CLEC16A: variants seen among roughly 807,000 people sequenced by gnomAD.
CLEC16A encodes the protein C-type lectin domain containing 16A, also known as protein CLEC16A.
Under a neutral mutation model 109.5 loss-of-function variants are expected in CLEC16A, and 51 were observed. The observed-to-expected ratio is 0.47, with a 90% CI of 0.37 to 0.59. The LOEUF (loss-of-function observed/expected upper bound fraction) is 0.59, where lower values mean the gene tolerates loss of function less well. CLEC16A is among the 20% of genes least tolerant of loss of function. The pLI is 0.00. For missense variants in CLEC16A, 1,339 were observed against 1,394.0 expected, an observed-to-expected ratio of 0.96 and a Z score of 0.63; for synonymous variants, 673 against 564.2, an observed-to-expected ratio of 1.19 and a Z score of -2.73.
At chr16:11,164,701 C>T (rs1166031993) in intron 22 of CLEC16A, among the ~76,000 whole-genome samples, 5 of 152,222 alleles carry the variant, frequency 3.3e-5, no homozygotes, top group African/African-American at 9.6e-5. Context: ...TGCCGCTGAT[C>T]GAGAAAGCAG....
intron 10 of CLEC16A, among the ~76,000 whole-genome samples, chr16:10,998,499 G>A (rs76925392): frequency 4.6e-5 from 7 of 152,190 alleles, no homozygotes; most frequent in Non-Finnish European, 8.8e-5. Context: ...GGCATGTGTT[G>A]TGTACTTTCT....
At chr16:11,010,326 G>A (rs1433716681) in intron 11 of CLEC16A, among the ~76,000 whole-genome samples, 2 of 151,906 alleles carry the variant, frequency 1.3e-5, no homozygotes, top group African/African-American at 2.4e-5. Context: ...CACACAACAG[G>A]CCCTAGCACC....
intron 19 of CLEC16A, among the ~76,000 whole-genome samples, chr16:11,074,114 T>A (rs1416116879): frequency 6.6e-6 from 1 of 152,198 alleles, no homozygotes; most frequent in Non-Finnish European, 1.5e-5. Context: ...CCAAATTATT[T>A]AACCTCTCTA....
At chr16:11,023,612 C>CTTT (rs5815608) in intron 12 of CLEC16A, among the ~76,000 whole-genome samples, 3 of 147,944 alleles carry the variant, frequency 2.0e-5, no homozygotes, top group South Asian at 2.1e-4. Context: ...ATTTTTCCTA[C>CTTT]TTTTTTTTTT....
chr16:11,056,350 C>G (rs2048213926), intron 18 of CLEC16A, among the ~76,000 whole-genome samples: 1 of 152,168 alleles, frequency 6.6e-6, no homozygotes, highest in Admixed American at 6.5e-5. Context: ...AGCCCAGGGC[C>G]TGGCAGACAG....
chr16:10,979,840 C>T (rs1230913697), intron 9 of CLEC16A, among the ~76,000 whole-genome samples: 1 of 152,096 alleles, frequency 6.6e-6, no homozygotes, highest in African/African-American at 2.4e-5. Flanking sequence ...GGTTCTAGTT[C>T]CCAGATTACC....
intron 23 of CLEC16A, among the ~76,000 whole-genome samples, chr16:11,168,435 G>A (rs2068364430): frequency 6.6e-6 from 1 of 152,342 alleles, no homozygotes; most frequent in South Asian, 2.1e-4. Context: ...CAGCAGGCCT[G>A]CGGAGACAAG....
At chr16:11,127,161 G>T (rs9926590) in intron 22 of CLEC16A, among the ~76,000 whole-genome samples, 1 of 152,034 alleles carries the variant, frequency 6.6e-6, no homozygotes, top group Non-Finnish European at 1.5e-5. Context: ...ATATTTCTTT[G>T]TATGTCATGC....
chr16:11,114,361 C>T (rs1012364089), intron 19 of CLEC16A, among the ~76,000 whole-genome samples: 3 of 152,070 alleles, frequency 2.0e-5, no homozygotes, highest in Non-Finnish European at 2.9e-5. Context: ...ATTGGAGATT[C>T]GATGGGCAGT....
intron 11 of CLEC16A, among the ~76,000 whole-genome samples, chr16:11,014,126 T>C (rs931437882): frequency 2.0e-5 from 3 of 152,250 alleles, no homozygotes; most frequent in Non-Finnish European, 2.9e-5. Flanking sequence ...CCAACTTGAT[T>C]GTGTACTGAA....
intron 20 of CLEC16A, among the ~76,000 whole-genome samples, 197 bp from the exon 21 acceptor site, chr16:11,123,545 A>G (rs1465302662): frequency 6.6e-6 from 1 of 152,024 alleles, no homozygotes; most frequent in Non-Finnish European, 1.5e-5. Context: ...GCCTCCTCCC[A>G]CACTGTCCTC....
At chr16:11,046,680 G>A (rs1002775842) in intron 16 of CLEC16A, among the ~76,000 whole-genome samples, 10 of 152,140 alleles carry the variant, frequency 6.6e-5, no homozygotes, top group African/African-American at 1.9e-4. Context: ...TCATGCAGTG[G>A]AACAAGGAGG....
chr16:11,138,972 T>C (rs2053697213), intron 22 of CLEC16A, among the ~76,000 whole-genome samples: 1 of 147,564 alleles, frequency 6.8e-6, no homozygotes, highest in Non-Finnish European at 1.5e-5. Context: ...ACTAACAGGA[T>C]TTGGTGACCA....
At position 11,076,696 on chromosome 16, in the gene CLEC16A, C is replaced by T. The variant is rs75062114; in HGVS notation, c.2116+15674C>T. ...ATCTCTGAACCAGTGACAGACAGCGCGACCTTTAAGGAAGGTGTAAGTCAG... is the reference window on the plus strand; with the variant it reads ...ATCTCTGAACCAGTGACAGACAGCGTGACCTTTAAGGAAGGTGTAAGTCAG... On this transcript the variant is annotated intron_variant, in intron 19 of 23. Transcript: ENST00000409790. Among the ~76,000 whole-genome samples the T allele has an allele frequency of 1.2e-4, 19 of 152,182 alleles. 1 individual carries two copies. The highest frequency in any genetic ancestry group is 2.1e-4 in the Non-Finnish European group (14 of 68,038).
chr16:11,171,627 AT>A (rs1416708532), intron 23 of CLEC16A, among the ~76,000 whole-genome samples: 1 of 152,232 alleles, frequency 6.6e-6, no homozygotes, highest in Non-Finnish European at 1.5e-5. Context: ...TAAACATTTT[AT>A]GGTTTTGAGA....
At chr16:11,075,424 G>GTA (rs1325063688) in intron 19 of CLEC16A, among the ~76,000 whole-genome samples, 19 of 147,292 alleles carry the variant, frequency 1.3e-4, no homozygotes, top group Middle Eastern at 3.4e-3. Context: ...GTGTGTGTGT[G>GTA]TGTATGTGTG....
intron 11 of CLEC16A, among the ~76,000 whole-genome samples, chr16:11,003,623 G>A (rs1052628558): frequency 7.2e-5 from 11 of 152,182 alleles, no homozygotes; most frequent in Non-Finnish European, 1.5e-4. Context: ...TTAAATGAGC[G>A]AATATGTGCA....
intron 19 of CLEC16A, among the ~76,000 whole-genome samples, chr16:11,088,044 A>C (rs2050106446): frequency 6.6e-6 from 1 of 152,238 alleles, no homozygotes; most frequent in Non-Finnish European, 1.5e-5. Context: ...CTTTCCATAC[A>C]GAACACCCTG....
At chr16:11,027,379 T>C in intron 13 of CLEC16A, 1 of 1,389,528 alleles carries the variant, frequency 7.2e-7, no homozygotes, top group South Asian at 1.2e-5. Flanking sequence ...TTTAGTGGTG[T>C]CTTTGTAAAA....
Sources: allele counts gnomAD v4.1 joint callset (sites outside exome capture counted in the v4.1 genomes callset), GRCh38; gene constraint gnomAD v4.1.1; transcripts MANE v1.5; gene names NCBI Gene and HGNC (gene_info 2026-07-23, HGNC 2026-07-21).